The following LEF1 variants were observed in gnomAD, a reference collection of about 807,000 sequenced individuals.
LEF1 encodes lymphoid enhancer-binding factor 1.
In LEF1, 14 loss-of-function variants were observed where a neutral mutation model predicts 51.2. The observed-to-expected ratio is 0.27, with a 90% CI of 0.18 to 0.43. LEF1 has a LOEUF of 0.43. LEF1 is among the 20% of genes least tolerant of loss of function. The pLI, the probability that LEF1 is intolerant of heterozygous loss-of-function variation, is 1.00. For synonymous variants in LEF1, 185 were observed against 183.2 expected, an observed-to-expected ratio of 1.01 and a Z score of -0.08; for missense variants, 386 against 512.0, an observed-to-expected ratio of 0.75 and a Z score of 2.37.
At chr4:108,091,204 G>GT (rs1481878379) in intron 3 of LEF1, among the ~76,000 whole-genome samples, 6 of 152,080 alleles carry the variant, frequency 3.9e-5, no homozygotes, top group Admixed American at 1.3e-4. Flanking sequence ...TGCTTAAAAT[G>GT]TAAGTCCATA....
intron 3 of LEF1, among the ~76,000 whole-genome samples, chr4:108,109,970 T>C (rs745354727): frequency 7.9e-5 from 12 of 152,172 alleles, no homozygotes; most frequent in Non-Finnish European, 1.8e-4. Context: ...GCTTTACCAA[T>C]ACAAATTAGT....
Position 108,089,166 on chromosome 4 carries a change from G to A in LEF1, c.506C>T (p.Ser169Leu). 6.2e-7 allele frequency: 1 copy of A among 1,614,116 alleles called. No homozygotes were observed. Among genetic ancestry groups the A allele is most frequent in the Non-Finnish European group, 8.5e-7 (1 of 1,180,004 alleles). Residue 169 changes from serine (S) to leucine (L), a missense_variant, in exon 4 of 12, where the codon TCA becomes TTA. Coordinates refer to ENST00000265165, the MANE Select transcript of LEF1 (RefSeq NM_016269.5). ...TYSDEHFSPG[S>L]HPSHIPSDVN... ...ATCTGATGGGATGTGTGACGGGTGTGATCCTGGAGAAAAGTGCTCGTCACT... is the reference window on the plus strand; with the variant it reads ...ATCTGATGGGATGTGTGACGGGTGTAATCCTGGAGAAAAGTGCTCGTCACT...
chr4:108,063,717 C>T (rs141084807), intron 10 of LEF1, 54 bp from the exon 11 acceptor site: 3 of 1,160,878 alleles, frequency 2.6e-6, no homozygotes, highest in Middle Eastern at 1.9e-4. Flanking sequence ...TTTGTACATT[C>T]CAAATACGTA....
rs149872543 is a variant in LEF1, at chr4:108,167,262, G to A, written c.213+293C>T. On this transcript the variant is annotated intron_variant, in intron 1 of 11. Transcript: ENST00000265165. The surrounding 1 kb of genome is among the most constrained non-coding windows in gnomAD (Gnocchi z 5.7). The stretch of plus-strand genomic sequence containing the variant: ...AAAGACCGAAGGCGAAACATTGTGG[G>A]TTCCTGCCCGCGAACCAACCGTTCA... 6.1e-3 allele frequency among the ~76,000 whole-genome samples: 923 copies of A among 152,086 alleles called. 11 individuals are homozygous for A. The highest frequency in any genetic ancestry group is 0.021 in the African/African-American group (874 of 41,468).
rs890212537 is a variant in LEF1, at chr4:108,081,811, C to A, written c.639-142G>T. 4.7e-6 allele frequency: 3 copies of A among 637,728 alleles called. No homozygotes were observed. The African/African-American group carries it at 5.5e-5, about 12-fold the overall frequency. 39.5% of individuals were successfully genotyped at this position (637,728 alleles called of 1,614,324 possible). A position where few individuals can be genotyped will look rare whatever the true frequency, so the allele number is the denominator to read the frequency against. On this transcript the variant is annotated intron_variant, in intron 5 of 11. Coordinates refer to ENST00000265165, the MANE Select transcript of LEF1 (RefSeq NM_016269.5). ...ACAGACCCCGGGATTGTTTCAGAAA[C>A]GTAACCGTTCCCCTTCCTTACCCTC...
In LEF1 at chr4:108,167,661, T is replaced by A. The variant is rs1435848098; in HGVS notation, c.107A>T (p.Lys36Met). 4 of 1,614,156 alleles carry A rather than the reference T, an allele frequency of 2.5e-6. No homozygotes were observed. Among genetic ancestry groups the A allele is most frequent in the Admixed American group, 1.7e-5 (1 of 60,030 alleles). Residue 36 changes from lysine to methionine, a missense_variant, in exon 1 of 12, where the codon AAG becomes ATG. Physicochemically the swap from Lys to Met is moderately conservative, Grantham distance 95 (BLOSUM62 -1). Coordinates refer to ENST00000265165, the MANE Select transcript of LEF1 (RefSeq NM_016269.5). This position sits in a 1 kb window ranked among gnomAD's most constrained non-coding sequence, Gnocchi z 5.7. ...FKDEGDPQKE[K>M]IFAEISHPEE... Reference sequence around the variant, plus strand: ...GGGATGACTGATCTCGGCGAAGATCTTTTCCTTCTGAGGATCGCCCTCGTC... The same window carrying A: ...GGGATGACTGATCTCGGCGAAGATCATTTCCTTCTGAGGATCGCCCTCGTC...
chr4:108,063,678 GTCTT>G lies in LEF1; in HGVS notation c.1166-19_1166-16del. ...TGGACCTGTACCTGCAGAAAATTGT[GTCTT>G]TAACAAATTTTTATTGAAGAGGTTT... On this transcript the variant is annotated splice_polypyrimidine_tract_variant and intron_variant, in intron 10 of 11. Coordinates refer to ENST00000265165, the MANE Select transcript of LEF1 (RefSeq NM_016269.5). 5 of 1,578,226 alleles carry G rather than the reference GTCTT, an allele frequency of 3.2e-6. No homozygotes were observed. In the Admixed American group the frequency reaches 9.9e-5, roughly 31 times the overall value.
Position 108,078,259 on chromosome 4 carries a change from T to C in LEF1, c.969A>G (p.Leu323=), listed in dbSNP as rs745535222. 2 of 1,614,222 alleles carry C rather than the reference T, an allele frequency of 1.2e-6. No individual in the cohort carries two copies. The highest frequency in any genetic ancestry group is 1.7e-6 in the Non-Finnish European group (2 of 1,180,038). ...MRANVVAECT[L]KESAAINQIL... ...TCTGGTTGATAGCTGCACTTTCTTT[T>C]AGAGTACACTCAGCAACGACATTCG... The change falls in exon 8 of 12, where the codon CTA becomes CTG. Residue 323 remains leucine (L), a synonymous_variant. Transcript: ENST00000265165.
At position 108,048,662 on chromosome 4, in the gene LEF1, GTC is replaced by G; in HGVS notation, c.*94_*95del. On this transcript the variant is annotated 3_prime_UTR_variant, in exon 12 of 12. Transcript: ENST00000265165. Reference sequence around the variant, plus strand: ...GTCGACTGGGCAGGCCGTGGAGACAGTCTGGGTTTTCAACAAGCTTCCATCTC... The same window carrying G: ...GTCGACTGGGCAGGCCGTGGAGACAGTGGGTTTTCAACAAGCTTCCATCTC... 6.3e-7 allele frequency: 1 copy of G among 1,587,076 alleles called. No individual in the cohort carries two copies.
At chr4:108,151,702 G>A (rs937154935) in intron 3 of LEF1, among the ~76,000 whole-genome samples, 2 of 152,116 alleles carry the variant, frequency 1.3e-5, no homozygotes, top group Non-Finnish European at 2.9e-5. Flanking sequence ...CGCACAGAAG[G>A]GGTTTAGAAC....
At chr4:108,065,479 G>T (rs1358458711) in intron 9 of LEF1, among the ~76,000 whole-genome samples, 1 of 152,148 alleles carries the variant, frequency 6.6e-6, no homozygotes, top group Non-Finnish European at 1.5e-5. Flanking sequence ...CACAGAGTGA[G>T]ACTCCATCTC....
intron 1 of LEF1, chr4:108,166,163 A>C: frequency 6.8e-6 from 7 of 1,030,566 alleles, no homozygotes; most frequent in African/African-American, 1.6e-5. Flanking sequence ...ACGCGGGGTT[A>C]GGTGCACCCT....
intron 3 of LEF1, among the ~76,000 whole-genome samples, chr4:108,116,800 G>A (rs989623199): frequency 6.6e-6 from 1 of 152,222 alleles, no homozygotes; most frequent in South Asian, 2.1e-4. Context: ...TCAGTTTCCT[G>A]TAAGGTAAGG....
At chr4:108,126,342 T>C (rs1478572166) in intron 3 of LEF1, among the ~76,000 whole-genome samples, 1 of 152,190 alleles carries the variant, frequency 6.6e-6, no homozygotes, top group African/African-American at 2.4e-5. Flanking sequence ...TTTGATCTTC[T>C]TGTGTCTTTG....
At chr4:108,076,330 G>T (rs571297522) in intron 8 of LEF1, among the ~76,000 whole-genome samples, 1 of 152,208 alleles carries the variant, frequency 6.6e-6, no homozygotes, top group Admixed American at 6.5e-5. Flanking sequence ...GCTAATAGAG[G>T]CCCTAACAAT....
intron 3 of LEF1, among the ~76,000 whole-genome samples, chr4:108,144,639 A>C (rs1311017025): frequency 1.3e-5 from 2 of 152,120 alleles, no homozygotes; most frequent in Admixed American, 1.3e-4. Context: ...TCTAGAGAGA[A>C]GGAAGGGAGC....
At chr4:108,063,323 A>G (rs912630147) in intron 11 of LEF1, among the ~76,000 whole-genome samples, 1 of 152,192 alleles carries the variant, frequency 6.6e-6, no homozygotes, top group African/African-American at 2.4e-5. Context: ...TTTTTTAAGC[A>G]GGCCGATTTG....
At chr4:108,134,324 C>A (rs1328904738) in intron 3 of LEF1, among the ~76,000 whole-genome samples, 1 of 152,270 alleles carries the variant, frequency 6.6e-6, no homozygotes, top group African/African-American at 2.4e-5. Flanking sequence ...AGCTCTTACA[C>A]TTCTCCCTTA....
At chr4:108,161,240 C>T (rs915990499) in intron 3 of LEF1, among the ~76,000 whole-genome samples, 1 of 152,286 alleles carries the variant, frequency 6.6e-6, no homozygotes. Context: ...GATTGTAACT[C>T]ACTTCGGTTG....
Sources: allele counts gnomAD v4.1 joint callset (sites outside exome capture counted in the v4.1 genomes callset), GRCh38; gene constraint gnomAD v4.1.1; non-coding constraint Gnocchi (gnomAD v3.1); transcripts MANE v1.5; gene names NCBI Gene and HGNC (gene_info 2026-07-23, HGNC 2026-07-21).